The following MSRB3 variants were observed in gnomAD, a reference collection of about 807,000 sequenced individuals.
MSRB3 encodes the protein methionine sulfoxide reductase B3, also known as methionine-R-sulfoxide reductase B3.
Under a neutral mutation model 21.0 loss-of-function variants are expected in MSRB3, and 13 were observed. The ratio of observed to expected loss-of-function variants is 0.62; its 90% CI spans 0.40 to 0.98. MSRB3 has a LOEUF of 0.98. Among genes scored for constraint, MSRB3 ranks in the 50% least tolerant of loss-of-function variants. The pLI, the probability that MSRB3 is intolerant of heterozygous loss-of-function variation, is 0.00. For missense variants in MSRB3, 199 were observed against 230.3 expected, an observed-to-expected ratio of 0.86 and a Z score of 0.88; for synonymous variants, 87 against 88.6, an observed-to-expected ratio of 0.98 and a Z score of 0.10.
chr12:65,389,139 C>T (rs1274946597), intron 5 of MSRB3, among the ~76,000 whole-genome samples: 1 of 152,108 alleles, frequency 6.6e-6, no homozygotes, highest in Non-Finnish European at 1.5e-5. Context: ...AGAAGTCTCA[C>T]CCTTCAACTG....
chr12:65,394,570 G>A (rs1242852341), intron 5 of MSRB3, among the ~76,000 whole-genome samples: 2 of 152,186 alleles, frequency 1.3e-5, no homozygotes, highest in African/African-American at 4.8e-5. Flanking sequence ...AGAAGAGGAG[G>A]AAACATGTCC....
chr12:65,416,017 A>C (rs916317259), intron 5 of MSRB3, among the ~76,000 whole-genome samples: 1 of 152,226 alleles, frequency 6.6e-6, no homozygotes, highest in African/African-American at 2.4e-5. Flanking sequence ...GTAAGGTGGG[A>C]TCTCCAGGGA....
intron 4 of MSRB3, among the ~76,000 whole-genome samples, chr12:65,331,363 A>G (rs1339782626): frequency 6.6e-6 from 1 of 152,184 alleles, no homozygotes; most frequent in African/African-American, 2.4e-5. Context: ...AGAAACAATC[A>G]TGACTCCTAG....
At chr12:65,288,713 A>G (rs1872523935) in intron 1 of MSRB3, among the ~76,000 whole-genome samples, 1 of 152,184 alleles carries the variant, frequency 6.6e-6, no homozygotes, top group African/African-American at 2.4e-5. Flanking sequence ...TCAGATGAGA[A>G]AAGTCCTCAT....
Position 65,366,526 on chromosome 12 carries a change from G to C in MSRB3, c.264-2472G>C, listed in dbSNP as rs1878024168. 1.3e-5 allele frequency among the ~76,000 whole-genome samples: 2 copies of C among 152,128 alleles called. 1 individual carries two copies. The highest frequency in any genetic ancestry group is 4.1e-4 in the South Asian group (2 of 4,822). ...TCATTGGTGGATCTAAAGGGAAGGA[G>C]AACATTGGTTATGAGGTTATTCAGC... On this transcript the variant is annotated intron_variant, in intron 4 of 6. Transcript: ENST00000308259.
chr12:65,353,512 T>C (rs957018475), intron 4 of MSRB3, among the ~76,000 whole-genome samples: 28 of 152,182 alleles, frequency 1.8e-4, no homozygotes, highest in African/African-American at 4.6e-4. Context: ...TATTTGTTGG[T>C]TTAAAGTCTG....
intron 4 of MSRB3, among the ~76,000 whole-genome samples, chr12:65,366,908 G>A (rs146494793): frequency 7.9e-5 from 12 of 152,248 alleles, no homozygotes; most frequent in Middle Eastern, 3.4e-3. Context: ...CTAGAGAGTG[G>A]GAACAGTGTT....
At chr12:65,416,439 G>A (rs893006380) in intron 5 of MSRB3, among the ~76,000 whole-genome samples, 4 of 152,184 alleles carry the variant, frequency 2.6e-5, no homozygotes, top group Admixed American at 6.5e-5. Context: ...ATGGGAGTAC[G>A]TCTGAAGAAG....
intron 5 of MSRB3, among the ~76,000 whole-genome samples, chr12:65,424,987 A>ATATATC (rs1242894274): frequency 0.11 from 11 of 96 alleles, no homozygotes; most frequent in Admixed American, 0.17. Context: ...ATATATATAT[A>ATATATC]TATCTCAATA....
intron 4 of MSRB3, among the ~76,000 whole-genome samples, chr12:65,347,467 A>G (rs553463005): frequency 6.6e-6 from 1 of 152,320 alleles, no homozygotes; most frequent in East Asian, 1.9e-4. Flanking sequence ...GTTGCCTATC[A>G]GCTTAAGGAG....
chr12:65,396,692 A>AG (rs1491569705), intron 5 of MSRB3, among the ~76,000 whole-genome samples: 4 of 23,808 alleles, frequency 1.7e-4, no homozygotes, highest in African/African-American at 4.8e-4. Context: ...ACTCCATCTC[A>AG]AAAAAAAAAA....
At chr12:65,373,567 T>C (rs962428055) in intron 5 of MSRB3, among the ~76,000 whole-genome samples, 4 of 152,264 alleles carry the variant, frequency 2.6e-5, no homozygotes, top group African/African-American at 9.6e-5. Flanking sequence ...AAGCTTATGT[T>C]TAGTGCTTGT....
chr12:65,448,654 A>G (rs374282898), intron 5 of MSRB3, among the ~76,000 whole-genome samples: 3 of 152,208 alleles, frequency 2.0e-5, no homozygotes, highest in Non-Finnish European at 2.9e-5. Flanking sequence ...AGAACTTGAA[A>G]TGTGGCTAGT....
At chr12:65,315,649 C>G (rs1592516387) in intron 2 of MSRB3, among the ~76,000 whole-genome samples, 1 of 118,790 alleles carries the variant, frequency 8.4e-6, no homozygotes, top group African/African-American at 3.3e-5. Flanking sequence ...GCCTGGGCTA[C>G]AGGGTGAGAC....
At chr12:65,438,394 A>T (rs1479214374) in intron 5 of MSRB3, among the ~76,000 whole-genome samples, 1 of 151,900 alleles carries the variant, frequency 6.6e-6, no homozygotes, top group East Asian at 1.9e-4. Context: ...CATGCAAATA[A>T]TCAAAACTTT....
At chr12:65,352,829 G>T (rs1249583073) in intron 4 of MSRB3, among the ~76,000 whole-genome samples, 1 of 150,970 alleles carries the variant, frequency 6.6e-6, no homozygotes, top group Admixed American at 6.6e-5. Context: ...ACAAACAAAT[G>T]GAAGAACATT....
At chr12:65,431,741 A>G (rs541395351) in intron 5 of MSRB3, among the ~76,000 whole-genome samples, 18 of 152,088 alleles carry the variant, frequency 1.2e-4, no homozygotes, top group Admixed American at 4.6e-4. Context: ...AGTGATTATT[A>G]TAATACACAC....
chr12:65,399,797 A>C (rs985069532), intron 5 of MSRB3, among the ~76,000 whole-genome samples: 14 of 152,118 alleles, frequency 9.2e-5, no homozygotes, highest in African/African-American at 3.4e-4. Context: ...GTTTATTGAG[A>C]GTTTTTAGCA....
chr12:65,370,012 A>G (rs1013675590), intron 5 of MSRB3, among the ~76,000 whole-genome samples: 4 of 152,060 alleles, frequency 2.6e-5, no homozygotes, highest in African/African-American at 4.8e-5. Flanking sequence ...CTTTTATTGT[A>G]TGGTTTTGTG....
Sources: gnomAD v4.1 joint callset for allele counts (sites outside exome capture counted in the v4.1 genomes callset) on GRCh38, gnomAD v4.1.1 for gene constraint, MANE v1.5 for transcripts, NCBI Gene and HGNC (gene_info 2026-07-23, HGNC 2026-07-21) for gene names.